AGAP1: variants seen among roughly 807,000 people sequenced by gnomAD.
AGAP1 encodes arf-GAP with GTPase, ANK repeat and PH domain-containing protein 1.
Under a neutral mutation model 105.3 loss-of-function variants are expected in AGAP1, and 29 were observed. That is an observed-to-expected ratio of 0.28 (90% CI 0.21 to 0.38). AGAP1 has a LOEUF of 0.38. Ranked by LOEUF, AGAP1 falls within the 10% of genes least tolerant of loss-of-function variation. The pLI is 1.00. For missense variants in AGAP1, 998 were observed against 1,165.1 expected (o/e 0.86, Z 2.09); for synonymous variants, 509 against 485.9 (o/e 1.05, Z -0.63).
intron 9 of AGAP1, among the ~76,000 whole-genome samples, chr2:235,840,288 A>G (rs1391935254): frequency 1.3e-5 from 2 of 151,178 alleles, no homozygotes; most frequent in Non-Finnish European, 3.0e-5. Flanking sequence ...GCCGCTGTCC[A>G]TTCTGATGGC....
rs1172393048 is a variant in AGAP1, at chr2:235,746,377, C to CTT, written c.538+1571_538+1572dup. ...GCTTCCTGGAGAGCACCTCCCCCAA[C>CTT]TTTTTTTTTTTTTTTTTTTTTTTTT... On this transcript the variant is annotated intron_variant, in intron 5 of 17. Transcript: ENST00000304032. Among the ~76,000 whole-genome samples, 491 of 55,536 alleles carry CTT rather than the reference C, an allele frequency of 8.8e-3. 85 individuals are homozygous for CTT. Among genetic ancestry groups the CTT allele is most frequent in the Middle Eastern group, 0.045 (2 of 44 alleles). 36.4% of individuals were successfully genotyped at this position (55,536 alleles called of 152,430 possible). A position where few individuals can be genotyped will look rare whatever the true frequency, so the allele number is the denominator to read the frequency against.
intron 16 of AGAP1, among the ~76,000 whole-genome samples, chr2:236,091,132 G>T (rs1468541858): frequency 6.6e-6 from 1 of 152,242 alleles, no homozygotes; most frequent in East Asian, 1.9e-4. Flanking sequence ...GTGCATGCGT[G>T]TTTGCATATC....
intron 1 of AGAP1, among the ~76,000 whole-genome samples, chr2:235,571,699 G>A (rs1465020662): frequency 6.6e-6 from 1 of 152,106 alleles, no homozygotes; most frequent in East Asian, 1.9e-4. Context: ...ATGGCTTGCT[G>A]AAAGGGAAGA....
chr2:235,874,856 G>C lies in AGAP1; in HGVS notation c.1051-8489G>C, dbSNP rs2049634442. Among the ~76,000 whole-genome samples the C allele has an allele frequency of 6.6e-6, 1 of 152,200 alleles. No individual in the cohort carries two copies. Among genetic ancestry groups the C allele is most frequent in the South Asian group, 2.1e-4 (1 of 4,824 alleles). On this transcript the variant is annotated intron_variant, in intron 9 of 17. Transcript: ENST00000304032. This position sits in a 1 kb window ranked among gnomAD's most constrained non-coding sequence, Gnocchi z 4.5. ...GCTCTTGCACACGCTCATGGATCAA[G>C]GCAGAGGATGAGTTTAAAAACTGGT...
Position 236,035,656 on chromosome 2 carries a change from T to G in AGAP1, c.1646-905T>G, listed in dbSNP as rs1307117401. ...GTTCTTCGTGGTTGTATGCAATTAG[T>G]TATGCTTTTTGCCAGTGGTGCCTCC... On this transcript the variant is annotated intron_variant, in intron 13 of 17. Coordinates refer to ENST00000304032, the MANE Select transcript of AGAP1 (RefSeq NM_001037131.3). The surrounding 1 kb of genome is among the most constrained non-coding windows in gnomAD (Gnocchi z 4.2). Among the ~76,000 whole-genome samples, 1 of 152,166 alleles carries G rather than the reference T, an allele frequency of 6.6e-6. No individual in the cohort carries two copies. Among genetic ancestry groups the G allele is most frequent in the East Asian group, 1.9e-4 (1 of 5,184 alleles).
intron 13 of AGAP1, among the ~76,000 whole-genome samples, chr2:236,010,123 AAAAAAAC>A (rs1576047862): frequency 1.3e-5 from 2 of 152,160 alleles, no homozygotes; most frequent in South Asian, 4.1e-4. Context: ...AGTAAAAAAA[AAAAAAAC>A]AAAAAACTTT....
rs2051028730 is a variant in AGAP1, at chr2:235,900,765, GC to G, written c.1156-7971del. ...TGAATTCCATAAGCATGAGCTGTTT[GC>G]CTCTGTGCATGCTACACATCTGATT... On this transcript the variant is annotated intron_variant, in intron 10 of 17. Coordinates refer to ENST00000304032, the MANE Select transcript of AGAP1 (RefSeq NM_001037131.3). This position sits in a 1 kb window ranked among gnomAD's most constrained non-coding sequence, Gnocchi z 5.5. Among the ~76,000 whole-genome samples the G allele has an allele frequency of 6.6e-6, 1 of 152,226 alleles. No individual in the cohort carries two copies. Among genetic ancestry groups the G allele is most frequent in the Non-Finnish European group, 1.5e-5 (1 of 68,038 alleles).
In AGAP1 at chr2:235,823,194, A is replaced by G. The variant is rs112432181; in HGVS notation, c.1050+15863A>G. 2.4e-3 allele frequency among the ~76,000 whole-genome samples: 354 copies of G among 145,154 alleles called. 1 individual carries two copies. The highest frequency in any genetic ancestry group is 9.6e-3 in the African/African-American group (334 of 34,758). ...AATTTATGTAACATATTAACATGTT[A>G]TTATGATATGTAACATATCATTATG... On this transcript the variant is annotated intron_variant, in intron 9 of 17. Transcript: ENST00000304032.
At chr2:235,499,553 T>C (rs1941475030) in intron 1 of AGAP1, among the ~76,000 whole-genome samples, 1 of 152,200 alleles carries the variant, frequency 6.6e-6, no homozygotes, top group Admixed American at 6.5e-5. Flanking sequence ...AGGTGAGCTC[T>C]CGTACCTTGC....
intron 1 of AGAP1, chr2:235,670,674 G>GGACCACCCTGGAGCCCGCGACCGC: frequency 1.5e-6 from 1 of 673,180 alleles, no homozygotes. Flanking sequence ...GCCGCGGCCG[G>GGACCACCCTGGAGCCCGCGACCGC]GACCACCCTG....
rs1166115332 is a variant in AGAP1 at position 235,606,821 on chromosome 2, C to T, written c.164-102358C>T. On this transcript the variant is annotated intron_variant, in intron 1 of 17. Transcript: ENST00000304032. ...AAAATTAGCCTGGCATGGTGGCGCACGCCTGCAGTCCCAGCTACTGAGGAG... is the reference window on the plus strand; with the variant it reads ...AAAATTAGCCTGGCATGGTGGCGCATGCCTGCAGTCCCAGCTACTGAGGAG... 5.3e-5 allele frequency among the ~76,000 whole-genome samples: 8 copies of T among 151,882 alleles called. No individual in the cohort carries two copies. The East Asian group carries it at 5.8e-4, about 11-fold the overall frequency.
chr2:235,710,941 C>T (rs1415672319), intron 2 of AGAP1, among the ~76,000 whole-genome samples: 1 of 152,164 alleles, frequency 6.6e-6, no homozygotes, highest in Non-Finnish European at 1.5e-5. Flanking sequence ...ACAAGTGCCC[C>T]ATGGGGAGGG....
intron 16 of AGAP1, among the ~76,000 whole-genome samples, chr2:236,074,582 A>G (rs933331333): frequency 3.9e-5 from 6 of 152,230 alleles, no homozygotes; most frequent in African/African-American, 1.4e-4. Flanking sequence ...TACAGTAGGT[A>G]TTTCTGAACC....
Position 236,125,283 on chromosome 2 carries a change from C to A in AGAP1, c.*1161C>A, listed in dbSNP as rs1319724746. The A allele has an allele frequency of 6.6e-6, 1 of 152,614 alleles. No homozygotes were observed. The highest frequency in any genetic ancestry group is 1.5e-5 in the Non-Finnish European group (1 of 67,992). The allele number at this position is 152,614 out of a possible 1,614,324, so 9.5% of individuals were successfully genotyped here. A position where few individuals can be genotyped will look rare whatever the true frequency, so the allele number is the denominator to read the frequency against. On this transcript the variant is annotated 3_prime_UTR_variant, in exon 18 of 18. Transcript: ENST00000304032. The surrounding 1 kb of genome is among the most constrained non-coding windows in gnomAD (Gnocchi z 5.2). ...TGATTTTTGTACAGACAAATGGCAC[C>A]TCTCTTAATTTATAAATTGAACTGG...
At position 236,050,103 on chromosome 2, in the gene AGAP1, A is replaced by C. The variant is rs1007422496; in HGVS notation, c.2114+822A>C. Among the ~76,000 whole-genome samples, 3 of 152,194 alleles carry C rather than the reference A, an allele frequency of 2.0e-5. No homozygotes were observed. The highest frequency in any genetic ancestry group is 7.2e-5 in the African/African-American group (3 of 41,440). On this transcript the variant is annotated intron_variant, in intron 16 of 17. Transcript: ENST00000304032. This position sits in a 1 kb window ranked among gnomAD's most constrained non-coding sequence, Gnocchi z 4.0. Reference sequence around the variant, plus strand: ...CAGGTGTCTGAAGAGATGAAGGGAGAGGAGAGGTCTCCCATCACTGGTACT... The same window carrying C: ...CAGGTGTCTGAAGAGATGAAGGGAGCGGAGAGGTCTCCCATCACTGGTACT...
At chr2:236,112,217 A>G (rs1270395080) in intron 16 of AGAP1, among the ~76,000 whole-genome samples, 1 of 152,112 alleles carries the variant, frequency 6.6e-6, no homozygotes, top group East Asian at 1.9e-4. Flanking sequence ...ATAGTTTGAG[A>G]CCAGCCTGGC....
At chr2:236,086,102 T>C (rs575407187) in intron 16 of AGAP1, among the ~76,000 whole-genome samples, 3 of 152,356 alleles carry the variant, frequency 2.0e-5, no homozygotes, top group African/African-American at 7.2e-5. Context: ...CTCCTCCTGC[T>C]TAGAGATACC....
intron 11 of AGAP1, among the ~76,000 whole-genome samples, chr2:235,910,900 G>GTGA (rs78253386): frequency 0.78 from 117,487 of 150,930 alleles, 45,828 homozygotes; most frequent in East Asian, 0.98. Flanking sequence ...GCGCGACAGA[G>GTGA]TGAGACTCCG....
At chr2:236,067,028 T>TC (rs1363266688) in intron 16 of AGAP1, among the ~76,000 whole-genome samples, 7 of 152,104 alleles carry the variant, frequency 4.6e-5, no homozygotes, top group African/African-American at 1.2e-4. Context: ...CAACCAATTT[T>TC]TTTTTTTTTT....
Sources: gnomAD v4.1 joint callset for allele counts (sites outside exome capture counted in the v4.1 genomes callset) on GRCh38, gnomAD v4.1.1 for gene constraint, Gnocchi (gnomAD v3.1) non-coding constraint, MANE v1.5 for transcripts, NCBI Gene and HGNC (gene_info 2026-07-23, HGNC 2026-07-21) for gene names.